The following ARHGAP10 variants were observed in gnomAD, a reference collection of about 807,000 sequenced individuals.
The protein encoded by ARHGAP10 is Rho GTPase activating protein 10.
ARHGAP10 carries 87 observed loss-of-function variants against 108.6 expected under a neutral mutation model. The observed-to-expected ratio is 0.80, with a 90% CI of 0.67 to 0.96. The LOEUF (loss-of-function observed/expected upper bound fraction) is 0.96, where lower values mean the gene tolerates loss of function less well. ARHGAP10 is among the 40% of genes least tolerant of loss of function. ARHGAP10 has a pLI of 0.00. For missense variants in ARHGAP10, 939 were observed against 954.5 expected, an observed-to-expected ratio of 0.98 and a Z score of 0.21; for synonymous variants, 347 against 341.1, an observed-to-expected ratio of 1.02 and a Z score of -0.19.
chr4:147,985,029 A>T (rs1362978796), intron 18 of ARHGAP10, among the ~76,000 whole-genome samples: 4 of 152,068 alleles, frequency 2.6e-5, no homozygotes, highest in Non-Finnish European at 5.9e-5. Context: ...GGAGCTGGGA[A>T]CCTCACCTGG....
chr4:147,878,000 G>T (rs939219547), intron 8 of ARHGAP10, among the ~76,000 whole-genome samples: 1 of 151,906 alleles, frequency 6.6e-6, no homozygotes, highest in Non-Finnish European at 1.5e-5. Flanking sequence ...GCAGTGGCAC[G>T]ATCTCATCTC....
chr4:147,950,084 ATGT>A (rs2126976632), intron 15 of ARHGAP10, among the ~76,000 whole-genome samples: 1 of 152,274 alleles, frequency 6.6e-6, no homozygotes, highest in East Asian at 1.9e-4. Context: ...ACATTATGAA[ATGT>A]TATTATTATA....
chr4:147,760,134 TG>T (rs1438018078), intron 1 of ARHGAP10, among the ~76,000 whole-genome samples: 1 of 152,198 alleles, frequency 6.6e-6, no homozygotes, highest in African/African-American at 2.4e-5. Flanking sequence ...GTCTTGCATC[TG>T]TAACCTTGCT....
intron 7 of ARHGAP10, among the ~76,000 whole-genome samples, chr4:147,870,800 T>C (rs1041846698): frequency 2.0e-5 from 3 of 152,206 alleles, no homozygotes; most frequent in Admixed American, 1.3e-4. Context: ...GGAAATACAG[T>C]GTGCAAAATT....
At chr4:148,070,126 G>C (rs566737597) in intron 22 of ARHGAP10, among the ~76,000 whole-genome samples, 1 of 152,222 alleles carries the variant, frequency 6.6e-6, no homozygotes, top group Non-Finnish European at 1.5e-5. Flanking sequence ...TGCTCTCATA[G>C]TCTGGACTAG....
intron 3 of ARHGAP10, among the ~76,000 whole-genome samples, chr4:147,827,569 C>T (rs556068908): frequency 5.4e-4 from 82 of 152,190 alleles, no homozygotes; most frequent in African/African-American, 1.9e-3. Flanking sequence ...TAAGCCCATA[C>T]CCCCGACACC....
At chr4:148,063,530 ACT>A (rs1271340191) in intron 21 of ARHGAP10, among the ~76,000 whole-genome samples, 4 of 151,640 alleles carry the variant, frequency 2.6e-5, no homozygotes, top group Admixed American at 6.6e-5. Flanking sequence ...GCTTGAGCCT[ACT>A]CTGTCTTTGT....
At chr4:147,783,301 T>G (rs909982941) in intron 1 of ARHGAP10, among the ~76,000 whole-genome samples, 5 of 144,416 alleles carry the variant, frequency 3.5e-5, no homozygotes, top group African/African-American at 1.2e-4. Context: ...TATTGTATAA[T>G]TTATATAACA....
chr4:147,744,855 TAA>T (rs1378888882), intron 1 of ARHGAP10, among the ~76,000 whole-genome samples: 1 of 152,020 alleles, frequency 6.6e-6, no homozygotes, highest in African/African-American at 2.4e-5. Context: ...CAGCTGGAGA[TAA>T]AGATTCTGGA....
chr4:147,929,839 AT>A (rs952722163), intron 13 of ARHGAP10, among the ~76,000 whole-genome samples: 5 of 152,232 alleles, frequency 3.3e-5, no homozygotes, highest in African/African-American at 1.2e-4. Flanking sequence ...AATGATTAAT[AT>A]TTTTATGTGC....
At chr4:147,782,458 A>T (rs556583753) in intron 1 of ARHGAP10, 1 of 152,282 alleles carries the variant, frequency 6.6e-6, no homozygotes, top group African/African-American at 2.4e-5. Flanking sequence ...TTGTGGAAAC[A>T]GTTGTCAGCA....
intron 1 of ARHGAP10, among the ~76,000 whole-genome samples, chr4:147,750,552 T>C (rs1356630650): frequency 6.6e-6 from 1 of 152,094 alleles, no homozygotes; most frequent in Non-Finnish European, 1.5e-5. Context: ...TGCATTAATA[T>C]CCGTTTTTAT....
intron 18 of ARHGAP10, among the ~76,000 whole-genome samples, chr4:148,014,949 T>C (rs1467619749): frequency 6.6e-6 from 1 of 152,218 alleles, no homozygotes; most frequent in Non-Finnish European, 1.5e-5. Flanking sequence ...GTTGTAAACC[T>C]AAGTTGAAGT....
At chr4:147,921,380 T>G (rs1478392115) in intron 13 of ARHGAP10, among the ~76,000 whole-genome samples, 1 of 152,220 alleles carries the variant, frequency 6.6e-6, no homozygotes, top group African/African-American at 2.4e-5. Flanking sequence ...TCAGAATTGT[T>G]GACGATTGGG....
intron 18 of ARHGAP10, among the ~76,000 whole-genome samples, chr4:147,979,893 C>T (rs116173004): frequency 0.017 from 2,536 of 152,176 alleles, 50 homozygotes; most frequent in South Asian, 0.079. Context: ...CATCCTGTAT[C>T]CTGAAACTCT....
At chr4:147,959,614 G>T (rs376955511) in intron 16 of ARHGAP10, among the ~76,000 whole-genome samples, 3 of 152,020 alleles carry the variant, frequency 2.0e-5, no homozygotes, top group Non-Finnish European at 4.4e-5. Context: ...GAGAACATGC[G>T]GTGTTTGGTT....
intron 18 of ARHGAP10, among the ~76,000 whole-genome samples, chr4:147,982,329 T>A (rs1410768022): frequency 6.6e-6 from 1 of 151,760 alleles, no homozygotes; most frequent in East Asian, 1.9e-4. Flanking sequence ...TCGTCTTGTA[T>A]CTCACAGGAG....
intron 1 of ARHGAP10, among the ~76,000 whole-genome samples, chr4:147,800,836 G>A (rs1057130014): frequency 6.6e-6 from 1 of 152,022 alleles, no homozygotes; most frequent in South Asian, 2.1e-4. Flanking sequence ...TTTTGACACA[G>A]CGTCTTACTC....
intron 10 of ARHGAP10, among the ~76,000 whole-genome samples, chr4:147,887,185 C>A (rs1735603944): frequency 6.6e-6 from 1 of 152,110 alleles, no homozygotes; most frequent in East Asian, 1.9e-4. Context: ...AAAATAGAAG[C>A]TGTAACAAGA....
Sources: allele counts gnomAD v4.1 joint callset (sites outside exome capture counted in the v4.1 genomes callset), GRCh38; gene constraint gnomAD v4.1.1; transcripts MANE v1.5; gene names NCBI Gene and HGNC (gene_info 2026-07-23, HGNC 2026-07-21).